The following CDC14A variants were observed in gnomAD, a reference collection of about 807,000 sequenced individuals.
CDC14A encodes dual specificity protein phosphatase CDC14A.
CDC14A carries 53 observed loss-of-function variants against 74.4 expected under a neutral mutation model. That is an observed-to-expected ratio of 0.71 (90% CI 0.57 to 0.89). CDC14A has a LOEUF of 0.89. Ranked by LOEUF, CDC14A falls within the 40% of genes least tolerant of loss-of-function variation. CDC14A has a pLI of 0.00. For missense variants in CDC14A, 646 were observed against 713.7 expected (o/e 0.91, Z 1.08); for synonymous variants, 247 against 258.4 (o/e 0.96, Z 0.43).
At chr1:100,483,143 T>C (rs767243272) in intron 10 of CDC14A, among the ~76,000 whole-genome samples, 1 of 152,090 alleles carries the variant, frequency 6.6e-6, no homozygotes, top group Non-Finnish European at 1.5e-5. Context: ...TAATTCTGTG[T>C]CTCACTCTTT....
chr1:100,414,328 A>G (rs1023888943), intron 4 of CDC14A, among the ~76,000 whole-genome samples: 2 of 152,220 alleles, frequency 1.3e-5, no homozygotes, highest in African/African-American at 4.8e-5. Flanking sequence ...AGAAAACAAA[A>G]CAAAACAAAA....
At position 100,420,063 on chromosome 1, in the gene CDC14A, C is replaced by CACACATATATATATAT; in HGVS notation, c.310-4158_310-4157insCACATATATATATATA. ...ACACACACACACACACACACACACA[C>CACACATATATATATAT]ATATATATATATATATATAGTGTGT... On this transcript the variant is annotated intron_variant, in intron 4 of 15. Coordinates refer to ENST00000336454, the MANE Select transcript of CDC14A (RefSeq NM_003672.4). 2.4e-3 allele frequency among the ~76,000 whole-genome samples: 145 copies of CACACATATATATATAT among 61,568 alleles called. 5 individuals are homozygous for CACACATATATATATAT. The highest frequency in any genetic ancestry group is 3.3e-3 in the East Asian group (6 of 1,846). 40.4% of individuals were successfully genotyped at this position (61,568 alleles called of 152,430 possible).
intron 11 of CDC14A, chr1:100,485,361 C>G: frequency 1.0e-6 from 1 of 953,510 alleles, no homozygotes; most frequent in South Asian, 4.8e-5. Context: ...ACTTTTATAT[C>G]TCTAAAGGAG....
At chr1:100,354,331 C>T (rs189682359) in intron 2 of CDC14A, among the ~76,000 whole-genome samples, 1 of 152,160 alleles carries the variant, frequency 6.6e-6, no homozygotes, top group Non-Finnish European at 1.5e-5. Context: ...ACATTAACTG[C>T]GGGGAGCTGT....
chr1:100,394,070 C>T, intron 4 of CDC14A: 1 of 225,260 alleles, frequency 4.4e-6, no homozygotes, highest in Non-Finnish European at 8.6e-6. Context: ...TTTCTTTACC[C>T]CTTTTTCCCT....
chr1:100,364,369 A>G (rs1179405974), intron 2 of CDC14A, among the ~76,000 whole-genome samples: 1 of 151,306 alleles, frequency 6.6e-6, no homozygotes, highest in East Asian at 1.9e-4. Flanking sequence ...CACCACACCC[A>G]GCTAATTTTT....
At position 100,508,484 on chromosome 1, in the gene CDC14A, G is replaced by A. The variant is rs1323622057; in HGVS notation, c.1755+9222G>A. Among the ~76,000 whole-genome samples the A allele has an allele frequency of 3.3e-5, 5 of 152,058 alleles. No individual in the cohort carries two copies. Among genetic ancestry groups the A allele is most frequent in the African/African-American group, 1.2e-4 (5 of 41,394 alleles). On this transcript the variant is annotated intron_variant, in intron 15 of 15. Transcript: ENST00000336454. The surrounding 1 kb of genome is among the most constrained non-coding windows in gnomAD (Gnocchi z 4.4). ...TAGGTTCAGATGGGATGGGAGTGTT[G>A]GTGTGTTTCTCTCCTCTTTCTCTCT...
At chr1:100,362,268 A>C (rs1332292319) in intron 2 of CDC14A, among the ~76,000 whole-genome samples, 2 of 152,136 alleles carry the variant, frequency 1.3e-5, no homozygotes, top group Admixed American at 1.3e-4. Context: ...ATTTGAGCTG[A>C]ATTTTTTATA....
intron 15 of CDC14A, 32 bp downstream of exon 15, chr1:100,499,294 A>G (rs1374042643): frequency 1.2e-6 from 2 of 1,614,194 alleles, no homozygotes; most frequent in South Asian, 2.2e-5. Flanking sequence ...CCTGGTCCTC[A>G]GAACCCTGAA....
chr1:100,481,758 A>T (rs904908383), intron 10 of CDC14A, among the ~76,000 whole-genome samples: 1 of 152,216 alleles, frequency 6.6e-6, no homozygotes, highest in African/African-American at 2.4e-5. Context: ...GAGGGTCAGT[A>T]AATTTCATGC....
intron 15 of CDC14A, among the ~76,000 whole-genome samples, chr1:100,503,414 T>C (rs537421559): frequency 7.2e-5 from 11 of 152,212 alleles, no homozygotes; most frequent in Non-Finnish European, 1.3e-4. Flanking sequence ...ATGGGGGTTA[T>C]GGGTATTTAG....
At chr1:100,462,952 AAAAC>A in intron 9 of CDC14A, 71 bp downstream of exon 9, 1 of 1,121,914 alleles carries the variant, frequency 8.9e-7, no homozygotes, top group East Asian at 2.5e-5. Flanking sequence ...CAAATAACAT[AAAAC>A]AAAACCTGTT....
intron 3 of CDC14A, among the ~76,000 whole-genome samples, chr1:100,386,104 T>G (rs563666093): frequency 3.5e-4 from 53 of 151,580 alleles, no homozygotes; most frequent in African/African-American, 1.2e-3. Flanking sequence ...GAAGTGGAGG[T>G]TGCAGTGAGC....
At chr1:100,441,102 A>G (rs1202863482) in intron 6 of CDC14A, among the ~76,000 whole-genome samples, 1 of 152,192 alleles carries the variant, frequency 6.6e-6, no homozygotes, top group African/African-American at 2.4e-5. Context: ...TGCCTTTTCT[A>G]CCATCTGCTA....
chr1:100,489,688 A>G (rs910571580), intron 11 of CDC14A, among the ~76,000 whole-genome samples: 3 of 152,118 alleles, frequency 2.0e-5, no homozygotes, highest in Non-Finnish European at 4.4e-5. Flanking sequence ...CCAGTATCCA[A>G]AAGGAAGAGA....
chr1:100,370,606 G>A (rs1257214581), intron 2 of CDC14A, among the ~76,000 whole-genome samples: 1 of 152,128 alleles, frequency 6.6e-6, no homozygotes, highest in East Asian at 1.9e-4. Flanking sequence ...TTTTGTTGAA[G>A]ATCAGATGGC....
At chr1:100,389,498 G>T (rs1657389161) in intron 3 of CDC14A, among the ~76,000 whole-genome samples, 1 of 151,220 alleles carries the variant, frequency 6.6e-6, no homozygotes. Flanking sequence ...TATGATTTTT[G>T]GTTATAAAAG....
intron 1 of CDC14A, among the ~76,000 whole-genome samples, chr1:100,346,297 T>C (rs1650421437): frequency 6.6e-6 from 1 of 152,210 alleles, no homozygotes; most frequent in Non-Finnish European, 1.5e-5. Flanking sequence ...ATATTATCTA[T>C]TTTTGGAGTA....
chr1:100,414,549 T>G (rs1661270063), intron 4 of CDC14A, among the ~76,000 whole-genome samples: 1 of 152,140 alleles, frequency 6.6e-6, no homozygotes, highest in African/African-American at 2.4e-5. Context: ...ATAACATACT[T>G]TTTTTTCATT....
Sources: gnomAD v4.1 joint callset for allele counts (sites outside exome capture counted in the v4.1 genomes callset) on GRCh38, gnomAD v4.1.1 for gene constraint, Gnocchi (gnomAD v3.1) non-coding constraint, MANE v1.5 for transcripts, NCBI Gene and HGNC (gene_info 2026-07-23, HGNC 2026-07-21) for gene names.